Variants in PCDH15 observed in about 807,000 individuals in gnomAD.
The protein encoded by PCDH15 is protocadherin-15.
Under a neutral mutation model 178.5 loss-of-function variants are expected in PCDH15, and 129 were observed. The ratio of observed to expected loss-of-function variants is 0.72; its 90% CI spans 0.63 to 0.84. PCDH15 has a LOEUF of 0.84. PCDH15 is among the 40% of genes least tolerant of loss of function. The pLI, the probability that PCDH15 is intolerant of heterozygous loss-of-function variation, is 0.00. For synonymous variants in PCDH15, 800 were observed against 732.0 expected (o/e 1.09, Z -1.50); for missense variants, 2,230 against 2,099.9 (o/e 1.06, Z -1.21).
intron 2 of PCDH15, chr10:55,469,026 G>A (rs188232019): frequency 6.6e-6 from 1 of 151,906 alleles, no homozygotes; most frequent in South Asian, 2.1e-4. Flanking sequence ...TTTTTTAAAA[G>A]AAGCATCTGA....
chr10:53,908,204 G>A (rs2082814709), intron 25 of PCDH15, among the ~76,000 whole-genome samples: 1 of 152,186 alleles, frequency 6.6e-6, no homozygotes, highest in South Asian at 2.1e-4. Flanking sequence ...GGTCAGGAAT[G>A]CTGAGAAATA....
intron 16 of PCDH15, among the ~76,000 whole-genome samples, chr10:54,083,636 T>G (rs927325845): frequency 6.6e-6 from 1 of 152,108 alleles, no homozygotes; most frequent in African/African-American, 2.4e-5. Flanking sequence ...AAATAAGGAA[T>G]AGGGAGCAAT....
At chr10:53,928,486 T>C (rs1167643764) in intron 25 of PCDH15, among the ~76,000 whole-genome samples, 6 of 152,078 alleles carry the variant, frequency 3.9e-5, no homozygotes, top group Non-Finnish European at 8.8e-5. Flanking sequence ...ACAACCATAA[T>C]CAATAATGAA....
intron 2 of PCDH15, among the ~76,000 whole-genome samples, chr10:55,541,945 T>G (rs967378987): frequency 1.3e-5 from 2 of 151,710 alleles, no homozygotes; most frequent in African/African-American, 4.8e-5. Flanking sequence ...ATGAATTAAT[T>G]TATCTCAATT....
In PCDH15 at chr10:53,832,022, A is replaced by ATCAAT. The variant is rs2077043344; in HGVS notation, c.3984-490_3984-489insATTGA. On this transcript the variant is annotated intron_variant, in intron 29 of 37. Coordinates refer to ENST00000644397, the MANE Select transcript of PCDH15 (RefSeq NM_001384140.1). ...AAAACAAATCTGAGGCACCAAACTA[A>ATCAAT]GATTTCAGACTCAAACTCTGTATTT... 7.0e-4 allele frequency among the ~76,000 whole-genome samples: 107 copies of ATCAAT among 152,182 alleles called. 2 individuals are homozygous for ATCAAT. Among genetic ancestry groups the ATCAAT allele is most frequent in the African/African-American group, 2.5e-3 (105 of 41,478 alleles).
intron 2 of PCDH15, among the ~76,000 whole-genome samples, chr10:54,949,969 C>T (rs1838294775): frequency 6.6e-6 from 1 of 152,012 alleles, no homozygotes; most frequent in African/African-American, 2.4e-5. Flanking sequence ...CCAGATTTTC[C>T]CACATCTTCA....
intron 2 of PCDH15, among the ~76,000 whole-genome samples, chr10:55,104,098 C>A (rs1842627017): frequency 6.6e-6 from 1 of 151,802 alleles, no homozygotes; most frequent in African/African-American, 2.4e-5. Flanking sequence ...ATAAACAAAA[C>A]AATTTCGTTT....
chr10:54,991,532 G>A (rs899886388), intron 2 of PCDH15, among the ~76,000 whole-genome samples: 9 of 152,046 alleles, frequency 5.9e-5, no homozygotes, highest in Non-Finnish European at 1.2e-4. Context: ...TACACACAGG[G>A]TCACAGACAT....
At chr10:53,971,756 G>A (rs1398935062) in intron 21 of PCDH15, among the ~76,000 whole-genome samples, 1 of 152,108 alleles carries the variant, frequency 6.6e-6, no homozygotes, top group African/African-American at 2.4e-5. Flanking sequence ...TCTTCAAGGA[G>A]AACTACAAAC....
At chr10:55,434,882 C>T (rs992830893) in intron 2 of PCDH15, among the ~76,000 whole-genome samples, 2 of 152,096 alleles carry the variant, frequency 1.3e-5, no homozygotes, top group Admixed American at 6.5e-5. Flanking sequence ...AGGTTACAGG[C>T]GTGAGCCACC....
intron 1 of PCDH15, among the ~76,000 whole-genome samples, chr10:55,303,938 T>C (rs1396770614): frequency 6.6e-6 from 1 of 152,200 alleles, no homozygotes; most frequent in Non-Finnish European, 1.5e-5. Context: ...ATAGCATTAA[T>C]TTTGCACTTC....
intron 3 of PCDH15, among the ~76,000 whole-genome samples, chr10:54,511,358 C>A (rs1414903565): frequency 2.0e-5 from 3 of 151,948 alleles, no homozygotes; most frequent in Non-Finnish European, 4.4e-5. Flanking sequence ...TATCAGTTTG[C>A]CCTCACTCTC....
intron 2 of PCDH15, among the ~76,000 whole-genome samples, chr10:55,003,226 C>T (rs923790808): frequency 2.4e-4 from 37 of 152,210 alleles, no homozygotes; most frequent in African/African-American, 7.0e-4. Context: ...TAATTAGCTA[C>T]GGTCCAGGGC....
intron 2 of PCDH15, among the ~76,000 whole-genome samples, chr10:55,017,630 C>T (rs547800641): frequency 9.9e-4 from 150 of 152,076 alleles, no homozygotes; most frequent in African/African-American, 3.5e-3. Context: ...GTAGAATATC[C>T]TCTATATGCC....
intron 2 of PCDH15, among the ~76,000 whole-genome samples, chr10:55,568,900 T>C (rs1842354882): frequency 6.6e-6 from 1 of 152,026 alleles, no homozygotes; most frequent in Non-Finnish European, 1.5e-5. Context: ...TGCAGGATTC[T>C]GGGAGGGGTA....
rs2061186031 is a variant in PCDH15 at position 54,315,435 on chromosome 10, T to C, written c.876+1836A>G. Among the ~76,000 whole-genome samples, 3 of 152,216 alleles carry C rather than the reference T, an allele frequency of 2.0e-5. No homozygotes were observed. The South Asian group carries it at 6.2e-4, about 31-fold the overall frequency. On this transcript the variant is annotated intron_variant, in intron 8 of 37. Transcript: ENST00000644397. ...TCATAGATGCTGGATATTAGACCTCTGTCAGATGCATAGTTTGCAAATATT... is the reference window on the plus strand; with the variant it reads ...TCATAGATGCTGGATATTAGACCTCCGTCAGATGCATAGTTTGCAAATATT...
At position 54,020,319 on chromosome 10, in the gene PCDH15, G is replaced by T. The variant is rs201328768; in HGVS notation, c.2624C>A (p.Ser875Ter). 1 of 1,613,782 alleles carries T rather than the reference G, an allele frequency of 6.2e-7. No individual in the cohort carries two copies. The highest frequency in any genetic ancestry group is 8.5e-7 in the Non-Finnish European group (1 of 1,179,796). Residue 875 changes from serine to a stop codon, truncating the protein, a stop_gained, in exon 20 of 38, where the codon TCG becomes TAG. Coordinates refer to ENST00000644397, the MANE Select transcript of PCDH15 (RefSeq NM_001384140.1). LOFTEE classifies it high-confidence loss of function. ...FALHPFTGEL[S>*]LLRSLDYEAF... is the part of the protein sequence containing the mutation. Reference sequence around the variant, plus strand: ...CTCATAATCTAAACTCCTTAAAAGCGATAGTTCTCCTGTAAATGGATGTAG... The same window carrying T: ...CTCATAATCTAAACTCCTTAAAAGCTATAGTTCTCCTGTAAATGGATGTAG...
intron 1 of PCDH15, among the ~76,000 whole-genome samples, chr10:54,702,958 A>G (rs1174534651): frequency 6.6e-6 from 1 of 152,014 alleles, no homozygotes; most frequent in Admixed American, 6.6e-5. Flanking sequence ...AAATCCAAAA[A>G]TCCTCAGAAA....
In PCDH15 at chr10:55,177,832, C is replaced by T. The variant is rs150819056; in HGVS notation, c.-155-11181G>A. Reference sequence around the variant, plus strand: ...GCCAGAGAGAACCTCAAAGAAACTACCTTGGAGAACCCAGATTGGACTCTT... The same window carrying T: ...GCCAGAGAGAACCTCAAAGAAACTATCTTGGAGAACCCAGATTGGACTCTT... On this transcript the variant is annotated intron_variant, in intron 1 of 5. Coordinates refer to the PCDH15 transcript ENST00000458638. Among the ~76,000 whole-genome samples, 5 of 152,008 alleles carry T rather than the reference C, an allele frequency of 3.3e-5. No homozygotes were observed. In the East Asian group the frequency reaches 7.8e-4, roughly 24 times the overall value.
Sources: gnomAD v4.1 joint callset for allele counts (sites outside exome capture counted in the v4.1 genomes callset) on GRCh38, gnomAD v4.1.1 for gene constraint, MANE v1.5 for transcripts, NCBI Gene and HGNC (gene_info 2026-07-23, HGNC 2026-07-21) for gene names.